NPC1: variants seen among roughly 807,000 people sequenced by gnomAD.
NPC1 encodes Niemann-Pick C1 protein.
In NPC1, 85 loss-of-function variants were observed where a neutral mutation model predicts 140.4. That is an observed-to-expected ratio of 0.61 (90% CI 0.51 to 0.72). The LOEUF is 0.72. Ranked by LOEUF, NPC1 falls within the 30% of genes least tolerant of loss-of-function variation. The probability of loss-of-function intolerance (pLI) is 0.00; values close to 1 mark genes in which losing one functional copy is unlikely to be tolerated. For missense variants in NPC1, 1,504 were observed against 1,623.8 expected, an observed-to-expected ratio of 0.93 and a Z score of 1.27; for synonymous variants, 656 against 624.8, an observed-to-expected ratio of 1.05 and a Z score of -0.74.
At chr18:23,524,136 C>T in intron 1 of NPC1, 1 of 1,614,102 alleles carries the variant, frequency 6.2e-7, no homozygotes, top group Non-Finnish European at 8.5e-7. Context: ...GTAGGTCCTG[C>T]TGCCGTGACC....
intron 6 of NPC1, among the ~76,000 whole-genome samples, chr18:23,557,906 G>A (rs979179000): frequency 1.3e-5 from 2 of 152,340 alleles, no homozygotes; most frequent in African/African-American, 4.8e-5. Context: ...GATGGGAGGT[G>A]TATGTAAGAA....
rs1241975606 is a variant in NPC1, at chr18:23,540,485, A to G, written c.2567T>C (p.Val856Ala). The G allele has an allele frequency of 2.5e-6, 4 of 1,612,936 alleles. No individual in the cohort carries two copies. Among genetic ancestry groups the G allele is most frequent in the Non-Finnish European group, 2.5e-6 (3 of 1,179,176 alleles). Reference sequence around the variant, plus strand: ...AAGAGACTGATCCAATCCAATATCTACTTTGTTCAGGACTGCGATGCTGAA... The same window carrying G: ...AAGAGACTGATCCAATCCAATATCTGCTTTGTTCAGGACTGCGATGCTGAA... ...LSFSIAVLNK[V>A]DIGLDQSLSM... The change falls in exon 17 of 25, where the codon GTA becomes GCA. Residue 856 changes from valine (V) to alanine (A), a missense_variant. Physicochemically the swap from Val to Ala is moderately conservative, Grantham distance 64. Coordinates refer to ENST00000269228, the MANE Select transcript of NPC1 (RefSeq NM_000271.5).
At chr18:23,543,635 G>T in intron 13 of NPC1, 66 bp from the exon 14 acceptor site, 1 of 932,352 alleles carries the variant, frequency 1.1e-6, no homozygotes, top group Non-Finnish European at 1.7e-6. Context: ...ATTTCTTGCT[G>T]CCTTGTGTTA....
intron 20 of NPC1, among the ~76,000 whole-genome samples, chr18:23,538,226 T>A (rs548616931): frequency 1.3e-5 from 2 of 152,314 alleles, no homozygotes; most frequent in Admixed American, 1.3e-4. Flanking sequence ...AGGCCTGGAT[T>A]ACCAGCAGGC....
intron 5 of NPC1, among the ~76,000 whole-genome samples, 154 bp from the exon 6 acceptor site, chr18:23,560,634 G>A (rs2059024690): frequency 6.6e-6 from 1 of 152,202 alleles, no homozygotes; most frequent in South Asian, 2.1e-4. Context: ...ATTATGTTTT[G>A]CTGCTTCGTC....
At chr18:23,511,054 T>C (rs1015252899) in intron 3 of NPC1, among the ~76,000 whole-genome samples, 3 of 152,226 alleles carry the variant, frequency 2.0e-5, no homozygotes, top group African/African-American at 7.2e-5. Context: ...CTGTTCACAA[T>C]GGCAAAGACA....
At chr18:23,516,066 T>G (rs1201830814) in intron 3 of NPC1, 73 of 1,602,840 alleles carry the variant, frequency 4.6e-5, no homozygotes, top group Non-Finnish European at 6.1e-5. Flanking sequence ...CATCCTAATG[T>G]GTCAGGCACG....
At chr18:23,558,968 C>T (rs961583097) in intron 6 of NPC1, among the ~76,000 whole-genome samples, 4 of 152,008 alleles carry the variant, frequency 2.6e-5, no homozygotes, top group Admixed American at 6.5e-5. Context: ...TGAGAACATG[C>T]GGTGTTTGGT....
At chr18:23,527,300 G>A (rs1452800795), downstream of NPC1, among the ~76,000 whole-genome samples, 1 of 151,556 alleles carries the variant, frequency 6.6e-6, no homozygotes, top group African/African-American at 2.4e-5. Context: ...TCCAGAGGCT[G>A]CCGAGGGAGG....
chr18:23,556,113 T>C (rs1157149668), intron 8 of NPC1, 130 bp downstream of exon 8: 1 of 818,228 alleles, frequency 1.2e-6, no homozygotes, highest in East Asian at 2.4e-5. Context: ...GCTTTGCCAT[T>C]ATACGCTAAG....
chr18:23,566,368 C>T (rs1366183380), intron 4 of NPC1, among the ~76,000 whole-genome samples: 1 of 152,160 alleles, frequency 6.6e-6, no homozygotes, highest in Admixed American at 6.5e-5. Flanking sequence ...TGGGTGACAG[C>T]ATGAGACCTT....
At chr18:23,539,027 TAAAGAA>T in intron 19 of NPC1, 1 of 447,986 alleles carries the variant, frequency 2.2e-6, no homozygotes, top group Non-Finnish European at 4.1e-6. Context: ...GGTAAAGTGA[TAAAGAA>T]AAGCCCTCCT....
rs1312623801 is a variant in NPC1, at chr18:23,538,661, A to C, written c.2922T>G (p.Pro974=). The part of the protein sequence containing the change: ...DQFCNASVVD[P]ACVRCRPLTP... ...TCAGAGGCCTGCAGCGAACGCAGGC[A>C]GGGTCAACCACTGGCGGAGACATGC... The change falls in exon 20 of 25, where the codon CCT becomes CCG. Residue 974 remains proline (P), a synonymous_variant. Coordinates refer to ENST00000269228, the MANE Select transcript of NPC1 (RefSeq NM_000271.5). The C allele has an allele frequency of 1.2e-6, 2 of 1,614,124 alleles. No individual in the cohort carries two copies. Among genetic ancestry groups the C allele is most frequent in the Admixed American group, 3.3e-5 (2 of 60,026 alleles).
downstream of NPC1, chr18:23,531,422 T>G: frequency 9.0e-7 from 1 of 1,106,252 alleles, no homozygotes; most frequent in Non-Finnish European, 1.2e-6. Context: ...TTAGTTACCA[T>G]AAGGACAGGT....
At position 23,554,764 on chromosome 18, in the gene NPC1, C is replaced by A. The variant is rs751951695; in HGVS notation, c.1547G>T (p.Cys516Phe). The change falls in exon 9 of 25, where the codon TGC (cysteine) becomes TTC (phenylalanine). Residue 516 changes from cysteine (C) to phenylalanine (F), a missense_variant. Physicochemically the swap from Cys to Phe is radical, Grantham distance 205. Transcript: ENST00000269228. ...ATTGTCTCTTGCCACTTACCGTACG[C>A]AGTACAGAAAGTGCGTGTGGTAATC... is the stretch of plus-strand genomic sequence containing the variant. ...YADYHTHFLY[C>F]VRAPASLNDT... The A allele has an allele frequency of 6.2e-7, 1 of 1,612,456 alleles. No individual in the cohort carries two copies. The highest frequency in any genetic ancestry group is 2.2e-5 in the East Asian group (1 of 44,876).
intron 1 of NPC1, among the ~76,000 whole-genome samples, chr18:23,578,476 C>G (rs1599022100): frequency 6.6e-6 from 1 of 152,240 alleles, no homozygotes; most frequent in East Asian, 1.9e-4. Flanking sequence ...ACAATGGGAG[C>G]TGCTCAGCCT....
chr18:23,509,670 C>G (rs922625853), intron 3 of NPC1: 1 of 152,894 alleles, frequency 6.5e-6, no homozygotes, highest in African/African-American at 2.4e-5. Flanking sequence ...TCAAGCGATT[C>G]TCCTGTCTCA....
In NPC1 at chr18:23,539,468, G is replaced by A. The variant is rs752107020; in HGVS notation, c.2798C>T (p.Thr933Ile). The A allele has an allele frequency of 6.2e-6, 10 of 1,607,654 alleles. No homozygotes were observed. The highest frequency in any genetic ancestry group is 8.5e-6 in the Non-Finnish European group (10 of 1,174,782). ...GGACGAGGGGGCGAAGCCTATTCGGGTACTAGAGAGGACAGACAGGGTTAC... is the reference window on the plus strand; with the variant it reads ...GGACGAGGGGGCGAAGCCTATTCGGATACTAGAGAGGACAGACAGGGTTAC... ...IFNAAQLDNY[T>I]RIGFAPSSWI... The change falls in exon 19 of 25, where the codon ACC (threonine) becomes ATC (isoleucine). Residue 933 changes from threonine to isoleucine, a missense_variant and splice_region_variant. Thr to Ile is a moderately conservative substitution (Grantham distance 89). Coordinates refer to ENST00000269228, the MANE Select transcript of NPC1 (RefSeq NM_000271.5).
chr18:23,513,337 A>G (rs563512617), intron 3 of NPC1, among the ~76,000 whole-genome samples: 1 of 152,304 alleles, frequency 6.6e-6, no homozygotes, highest in South Asian at 2.1e-4. Context: ...ATCTACCATA[A>G]TTTCCTACAG....
Sources: allele counts gnomAD v4.1 joint callset (sites outside exome capture counted in the v4.1 genomes callset), GRCh38; gene constraint gnomAD v4.1.1; transcripts MANE v1.5; gene names NCBI Gene and HGNC (gene_info 2026-07-23, HGNC 2026-07-21).